NAALADL2: variants seen among roughly 807,000 people sequenced by gnomAD.
The protein encoded by NAALADL2 is inactive N-acetylated-alpha-linked acidic dipeptidase-like protein 2.
A neutral mutation model predicts 87.2 loss-of-function variants in NAALADL2; 76 were observed. That is an observed-to-expected ratio of 0.87 (90% confidence interval 0.72 to 1.05). The LOEUF (loss-of-function observed/expected upper bound fraction) is 1.05, where lower values mean the gene tolerates loss of function less well. Among genes scored for constraint, NAALADL2 ranks in the 50% least tolerant of loss-of-function variants. The pLI is 0.00. For synonymous variants in NAALADL2, 354 were observed against 331.0 expected (o/e 1.07, Z -0.75); for missense variants, 1,089 against 945.8 (o/e 1.15, Z -1.99).
chr3:175,110,648 T>G (rs1323529648), intron 2 of NAALADL2, among the ~76,000 whole-genome samples: 36 of 151,790 alleles, frequency 2.4e-4, no homozygotes, highest in Admixed American at 2.4e-3. Context: ...AATTTTCATT[T>G]CAGGAATAAA....
chr3:174,627,161 T>A (rs987769312), intron 2 of NAALADL2, among the ~76,000 whole-genome samples: 1 of 152,124 alleles, frequency 6.6e-6, no homozygotes, highest in African/African-American at 2.4e-5. Context: ...TAATAGTATT[T>A]TGAAGTAATG....
chr3:174,482,943 C>T (rs565062490), intron 1 of NAALADL2, among the ~76,000 whole-genome samples: 9 of 152,080 alleles, frequency 5.9e-5, no homozygotes, highest in South Asian at 2.1e-4. Context: ...AATCATAAGG[C>T]GTGATCAAGA....
intron 2 of NAALADL2, among the ~76,000 whole-genome samples, chr3:175,160,458 T>C (rs1733020502): frequency 1.5e-5 from 2 of 130,028 alleles, no homozygotes; most frequent in South Asian, 5.4e-4. Flanking sequence ...TTTCAAGCAA[T>C]TCTCCTGCCT....
chr3:175,545,629 T>G (rs1025002791), intron 9 of NAALADL2, among the ~76,000 whole-genome samples: 3 of 152,144 alleles, frequency 2.0e-5, no homozygotes, highest in African/African-American at 7.2e-5. Context: ...TGTTAAATAT[T>G]TATTATCATG....
intron 2 of NAALADL2, among the ~76,000 whole-genome samples, chr3:174,625,057 C>CTCTCTCTTTTTTTT (rs748895219): frequency 2.5e-5 from 2 of 78,846 alleles, no homozygotes; most frequent in African/African-American, 1.0e-4. Context: ...CTCTCTCTCT[C>CTCTCTCTTTTTTTT]TTTTTTTTTT....
chr3:175,125,559 A>C (rs901006478), intron 2 of NAALADL2, among the ~76,000 whole-genome samples: 2 of 152,068 alleles, frequency 1.3e-5, no homozygotes, highest in African/African-American at 4.8e-5. Flanking sequence ...GATTGATTAC[A>C]TATGGAATGT....
At chr3:174,925,983 T>G (rs1331636353) in intron 1 of NAALADL2, among the ~76,000 whole-genome samples, 1 of 152,060 alleles carries the variant, frequency 6.6e-6, no homozygotes, top group Admixed American at 6.5e-5. Context: ...AATGGCTAAC[T>G]AGAATAACCA....
rs549333030 is a variant in NAALADL2 at position 175,469,268 on chromosome 3, T to A, written c.1533+2084T>A. On this transcript the variant is annotated intron_variant, in intron 8 of 13. Coordinates refer to ENST00000454872, the MANE Select transcript of NAALADL2 (RefSeq NM_207015.3). ...TGAAGCCATTTTGTAAACATCCTAT[T>A]GAAGACAAATTTAGAAAACTGCTAG... Among the ~76,000 whole-genome samples, 3 of 152,220 alleles carry A rather than the reference T, an allele frequency of 2.0e-5. No homozygotes were observed. The South Asian group carries it at 6.2e-4, about 32-fold the overall frequency.
chr3:175,471,474 CA>C (rs368173654), intron 8 of NAALADL2, among the ~76,000 whole-genome samples, 164 bp from the exon 9 acceptor site: 264 of 59,956 alleles, frequency 4.4e-3, no homozygotes, highest in Non-Finnish European at 4.3e-3. Flanking sequence ...GAGTCTGTCT[CA>C]AAAAAAAAAA....
intron 13 of NAALADL2, among the ~76,000 whole-genome samples, chr3:175,777,363 A>G (rs1750384119): frequency 6.6e-6 from 1 of 152,034 alleles, no homozygotes; most frequent in Non-Finnish European, 1.5e-5. Context: ...CCTTCTCTAT[A>G]AAATGGAAAT....
chr3:175,131,875 C>A (rs1375477266), intron 2 of NAALADL2, among the ~76,000 whole-genome samples: 1 of 71,414 alleles, frequency 1.4e-5, no homozygotes, highest in Non-Finnish European at 2.8e-5. Context: ...GGGGTCTGAC[C>A]CCCCCACCTC....
Position 175,060,246 on chromosome 3 carries a change from T to C in NAALADL2, c.44-36544T>C, listed in dbSNP as rs549165325. The stretch of plus-strand genomic sequence containing the variant: ...TCATAGGCTGCCAGGGAAATCATAC[T>C]TGGATTTCAATATATTAAAGTCCCC... On this transcript the variant is annotated intron_variant, in intron 1 of 13. Coordinates refer to ENST00000454872, the MANE Select transcript of NAALADL2 (RefSeq NM_207015.3). Among the ~76,000 whole-genome samples the C allele has an allele frequency of 4.6e-5, 7 of 152,318 alleles. No homozygotes were observed. The East Asian group carries it at 1.2e-3, about 25-fold the overall frequency.
intron 1 of NAALADL2, among the ~76,000 whole-genome samples, chr3:175,033,163 G>C (rs1245280906): frequency 6.6e-6 from 1 of 152,070 alleles, no homozygotes; most frequent in East Asian, 2.0e-4. Context: ...GGTTCCGTTG[G>C]ATGTTAATGG....
intron 6 of NAALADL2, among the ~76,000 whole-genome samples, chr3:175,459,026 ACAC>A (rs1197842316): frequency 6.6e-6 from 1 of 152,048 alleles, no homozygotes. Context: ...ACACACCTAG[ACAC>A]TATCCCCACC....
chr3:175,537,677 T>C (rs1441497590), intron 9 of NAALADL2, among the ~76,000 whole-genome samples: 1 of 152,160 alleles, frequency 6.6e-6, no homozygotes, highest in Non-Finnish European at 1.5e-5. Context: ...ATTTACATGT[T>C]GTGAGTAGAA....
chr3:175,247,396 TG>T (rs1178339922), intron 3 of NAALADL2, among the ~76,000 whole-genome samples: 1 of 152,176 alleles, frequency 6.6e-6, no homozygotes, highest in Non-Finnish European at 1.5e-5. Context: ...AGTGCTGTTT[TG>T]GGGTGGAGTG....
intron 11 of NAALADL2, among the ~76,000 whole-genome samples, chr3:175,644,368 CTTATA>C (rs1392377202): frequency 6.6e-6 from 1 of 151,854 alleles, no homozygotes; most frequent in Admixed American, 6.6e-5. Flanking sequence ...AGTAAATATT[CTTATA>C]TTATACATCT....
chr3:174,784,242 T>C (rs1407749457), intron 3 of NAALADL2, among the ~76,000 whole-genome samples: 1 of 152,146 alleles, frequency 6.6e-6, no homozygotes, highest in Non-Finnish European at 1.5e-5. Flanking sequence ...TGAATCCAGA[T>C]ATTGGCTTTT....
intron 1 of NAALADL2, among the ~76,000 whole-genome samples, chr3:174,530,698 C>T (rs1386915453): frequency 1.3e-5 from 2 of 151,454 alleles, no homozygotes; most frequent in Non-Finnish European, 2.9e-5. Flanking sequence ...ATTTTAAAAC[C>T]ATCAGATCTC....
Sources: gnomAD v4.1 joint callset for allele counts (sites outside exome capture counted in the v4.1 genomes callset) on GRCh38, gnomAD v4.1.1 for gene constraint, MANE v1.5 for transcripts, NCBI Gene and HGNC (gene_info 2026-07-23, HGNC 2026-07-21) for gene names.